Variants in AR observed in about 807,000 individuals in gnomAD.
AR encodes dihydrotestosterone receptor.
Under a neutral mutation model 53.9 loss-of-function variants are expected in AR, and 8 were observed. That is an observed-to-expected ratio of 0.15 (90% CI 0.09 to 0.27). AR has a LOEUF of 0.27. Ranked by LOEUF, AR falls within the 10% of genes least tolerant of loss-of-function variation. The probability of loss-of-function intolerance (pLI) is 1.00; values close to 1 mark genes in which losing one functional copy is unlikely to be tolerated. For synonymous variants in AR, 359 were observed against 316.4 expected (o/e 1.13, Z -1.43); for missense variants, 639 against 742.5 (o/e 0.86, Z 1.62).
chrX:67,700,893 A>T (rs759645054), intron 3 of AR, among the ~76,000 whole-genome samples: 2 of 111,862 alleles, frequency 1.8e-5, no homozygotes, highest in African/African-American at 6.5e-5. Context: ...ACTGTCACCA[A>T]TTGCTCTGTG....
At chrX:67,672,892 T>C (rs2075874706) in intron 2 of AR, among the ~76,000 whole-genome samples, 1 of 111,780 alleles carries the variant, frequency 8.9e-6, no homozygotes, top group Non-Finnish European at 1.9e-5. Flanking sequence ...TAACATCCTA[T>C]TCTTTCAGAT....
chrX:67,705,989 A>G (rs1312863569), intron 3 of AR, among the ~76,000 whole-genome samples: 4 of 111,886 alleles, frequency 3.6e-5, no homozygotes, highest in African/African-American at 1.3e-4. Context: ...CATCCCAGGG[A>G]TGAAGCCCAC....
intron 3 of AR, among the ~76,000 whole-genome samples, chrX:67,698,218 C>T (rs978919707): frequency 1.8e-5 from 2 of 111,932 alleles, no homozygotes; most frequent in Non-Finnish European, 3.8e-5. Flanking sequence ...AGTGAGCTCC[C>T]CTGACTCACA....
chrX:67,547,952 C>T (rs992745186), intron 1 of AR, among the ~76,000 whole-genome samples: 2 of 112,167 alleles, frequency 1.8e-5, no homozygotes, highest in Non-Finnish European at 3.8e-5. Flanking sequence ...TGAAGATTTT[C>T]TCCCCCAGCA....
At chrX:67,687,328 G>A (rs904785757) in intron 3 of AR, among the ~76,000 whole-genome samples, 2 of 111,876 alleles carry the variant, frequency 1.8e-5, no homozygotes, top group Admixed American at 1.9e-4. Flanking sequence ...TCCTCACAGG[G>A]CAGTAGTATT....
intron 2 of AR, among the ~76,000 whole-genome samples, chrX:67,647,700 C>G (rs1368438515): frequency 9.0e-6 from 1 of 111,444 alleles, no homozygotes; most frequent in Non-Finnish European, 1.9e-5. Context: ...CACAGACAGA[C>G]TTTAGATTTA....
chrX:67,550,412 C>CA (rs1383619749), intron 1 of AR, among the ~76,000 whole-genome samples: 1 of 110,999 alleles, frequency 9.0e-6, no homozygotes, highest in Non-Finnish European at 1.9e-5. Flanking sequence ...GCATTTAAAA[C>CA]AAAAATTCTT....
chrX:67,620,075 G>A (rs1456842311), intron 1 of AR, among the ~76,000 whole-genome samples: 8 of 110,427 alleles, frequency 7.2e-5, no homozygotes, highest in African/African-American at 2.6e-4. Context: ...TGGCTTCTTG[G>A]TTGTGGATTC....
At chrX:67,664,346 C>T (rs1424663352) in intron 2 of AR, among the ~76,000 whole-genome samples, 1 of 112,213 alleles carries the variant, frequency 8.9e-6, no homozygotes, top group Non-Finnish European at 1.9e-5. Flanking sequence ...TCAGGACCCT[C>T]AGCTGCAGGT....
chrX:67,635,083 G>C (rs933177278), intron 1 of AR, among the ~76,000 whole-genome samples: 1 of 94,773 alleles, frequency 1.1e-5, no homozygotes, highest in East Asian at 3.6e-4. Context: ...TTCTCTAAAA[G>C]CTCTGCATAG....
rs183741502 is a variant in AR, at chrX:67,699,785, G to T, written c.1886-11617G>T. 3.6e-5 allele frequency among the ~76,000 whole-genome samples: 4 copies of T among 110,960 alleles called. No individual in the cohort carries two copies. The East Asian group carries it at 1.1e-3, about 32-fold the overall frequency. ...TCACATCCTTGACCTTAGGTAAAGG[G>T]ATTCAAACTTCCTAAGACTTTGGAA... On this transcript the variant is annotated intron_variant, in intron 3 of 7. Transcript: ENST00000374690.
intron 3 of AR, among the ~76,000 whole-genome samples, chrX:67,690,027 C>T (rs143937419): frequency 9.0e-6 from 1 of 111,515 alleles, no homozygotes; most frequent in Non-Finnish European, 1.9e-5. Flanking sequence ...CTCTTGAGTT[C>T]TCAGCATTTA....
intron 3 of AR, among the ~76,000 whole-genome samples, chrX:67,710,409 C>T (rs1355388061): frequency 1.8e-5 from 2 of 111,334 alleles, no homozygotes; most frequent in African/African-American, 6.5e-5. Flanking sequence ...CAGCCTGGAA[C>T]CCCTGGGCTC....
At chrX:67,695,008 G>A (rs1180284529) in intron 3 of AR, 7 of 893,208 alleles carry the variant, frequency 7.8e-6, no homozygotes, top group Non-Finnish European at 9.6e-6. Context: ...ATGTGGCTTG[G>A]CATTGGCAAA....
At chrX:67,551,310 C>T (rs1929989842) in intron 1 of AR, among the ~76,000 whole-genome samples, 1 of 110,393 alleles carries the variant, frequency 9.1e-6, no homozygotes, top group African/African-American at 3.3e-5. Flanking sequence ...GGCTAATCTG[C>T]TTAAGCTTCA....
chrX:67,697,654 T>C (rs971770205), intron 3 of AR, among the ~76,000 whole-genome samples: 2 of 111,255 alleles, frequency 1.8e-5, no homozygotes, highest in Admixed American at 1.9e-4. Flanking sequence ...TGGTGCAGAG[T>C]ACCTTCACTG....
intron 2 of AR, among the ~76,000 whole-genome samples, chrX:67,657,333 C>T (rs913127700): frequency 1.8e-5 from 2 of 110,676 alleles, no homozygotes; most frequent in Admixed American, 1.9e-4. Context: ...GCTTTTTCTC[C>T]ACATTTCCAT....
chrX:67,628,983 A>C (rs1443186556), intron 1 of AR, among the ~76,000 whole-genome samples: 1 of 111,773 alleles, frequency 8.9e-6, no homozygotes, highest in Non-Finnish European at 1.9e-5. Flanking sequence ...CCCAAGGATG[A>C]AGCCCACTTG....
At chrX:67,717,104 A>G (rs1283910322) in intron 4 of AR, among the ~76,000 whole-genome samples, 3 of 112,256 alleles carry the variant, frequency 2.7e-5, no homozygotes, top group Non-Finnish European at 5.6e-5. Context: ...ATAAATACAT[A>G]CAACTATCAT....
Sources: allele counts gnomAD v4.1 joint callset (sites outside exome capture counted in the v4.1 genomes callset), GRCh38; gene constraint gnomAD v4.1.1; transcripts MANE v1.5; gene names NCBI Gene and HGNC (gene_info 2026-07-23, HGNC 2026-07-21).